GRIK4: variants seen among roughly 807,000 people sequenced by gnomAD.
GRIK4 encodes the protein glutamate receptor ionotropic, kainate 4.
In GRIK4, 40 loss-of-function variants were observed where a neutral mutation model predicts 104.9. That is an observed-to-expected ratio of 0.38 (90% CI 0.30 to 0.50). GRIK4 has a LOEUF of 0.50. Ranked by LOEUF, GRIK4 falls within the 20% of genes least tolerant of loss-of-function variation. GRIK4 has a pLI of 0.93. For missense variants in GRIK4, 1,047 were observed against 1,308.1 expected (o/e 0.80, Z 3.08); for synonymous variants, 485 against 524.9 (o/e 0.92, Z 1.04).
intron 3 of GRIK4, among the ~76,000 whole-genome samples, chr11:120,683,234 A>G (rs34612914): frequency 0.32 from 49,031 of 151,766 alleles, 8,545 homozygotes; most frequent in East Asian, 0.41. Context: ...GTTGGCTTGG[A>G]GGGTAACAAT....
At chr11:120,702,704 GC>G (rs1950571985) in intron 3 of GRIK4, among the ~76,000 whole-genome samples, 1 of 152,132 alleles carries the variant, frequency 6.6e-6, no homozygotes, top group Middle Eastern at 3.2e-3. Context: ...CTCTTGAGAG[GC>G]CCAGGGAGAC....
chr11:120,612,230 CTA>C (rs1311127248), intron 1 of GRIK4, among the ~76,000 whole-genome samples: 1 of 152,162 alleles, frequency 6.6e-6, no homozygotes, highest in Non-Finnish European at 1.5e-5. Context: ...ATGGGTCCAT[CTA>C]TAGTAGACTT....
chr11:120,955,359 G>A (rs1048050778), intron 15 of GRIK4, among the ~76,000 whole-genome samples: 2 of 152,244 alleles, frequency 1.3e-5, no homozygotes, highest in Non-Finnish European at 2.9e-5. Flanking sequence ...AAGGAGAGGC[G>A]CGGATGGAAA....
intron 1 of GRIK4, among the ~76,000 whole-genome samples, chr11:120,644,240 A>T (rs1274231673): frequency 6.6e-6 from 1 of 152,214 alleles, no homozygotes; most frequent in East Asian, 1.9e-4. Flanking sequence ...TGTTGAATGA[A>T]TGAAAGAGCA....
chr11:120,556,260 C>T (rs1192373709), intron 1 of GRIK4, among the ~76,000 whole-genome samples: 1 of 152,018 alleles, frequency 6.6e-6, no homozygotes, highest in African/African-American at 2.4e-5. Flanking sequence ...TGTCTCATAC[C>T]CCATTTCCAG....
intron 13 of GRIK4, among the ~76,000 whole-genome samples, chr11:120,921,001 C>A (rs1265063008): frequency 6.6e-6 from 1 of 152,130 alleles, no homozygotes; most frequent in East Asian, 1.9e-4. Context: ...CACATTTGCG[C>A]CTTCTTCTTT....
chr11:120,689,944 G>A (rs1258521238), intron 3 of GRIK4, among the ~76,000 whole-genome samples: 1 of 152,204 alleles, frequency 6.6e-6, no homozygotes, highest in East Asian at 1.9e-4. Context: ...TTGATCGAAT[G>A]AGTAAATGAG....
intron 3 of GRIK4, among the ~76,000 whole-genome samples, chr11:120,699,421 A>G (rs1210073950): frequency 6.6e-6 from 1 of 152,108 alleles, no homozygotes; most frequent in Non-Finnish European, 1.5e-5. Flanking sequence ...CTACAAATAA[A>G]TATTTATTTC....
rs145921099 is a variant in GRIK4, at chr11:120,969,648, G to A, written c.2395+2325G>A. On this transcript the variant is annotated intron_variant, in intron 19 of 20. Transcript: ENST00000527524. The stretch of plus-strand genomic sequence containing the variant: ...TAAAGTTGGATGATTGTCAGCATAT[G>A]TTAATGTTGCTCTATGATAACAATG... 1.7e-3 allele frequency among the ~76,000 whole-genome samples: 263 copies of A among 152,318 alleles called. 8 individuals are homozygous for A. In the East Asian group the frequency reaches 0.044, roughly 25 times the overall value.
intron 3 of GRIK4, among the ~76,000 whole-genome samples, chr11:120,794,328 C>T (rs1484301997): frequency 1.3e-5 from 2 of 151,558 alleles, no homozygotes; most frequent in African/African-American, 4.9e-5. Context: ...GGCTGAGAGT[C>T]GGGTGATGGT....
chr11:120,564,703 G>T (rs918293258), intron 1 of GRIK4: 1 of 152,296 alleles, frequency 6.6e-6, no homozygotes. Flanking sequence ...GCACCCTAAA[G>T]GGCACGGCCG....
chr11:120,695,952 C>A (rs868119268), intron 3 of GRIK4, among the ~76,000 whole-genome samples: 1 of 152,118 alleles, frequency 6.6e-6, no homozygotes, highest in African/African-American at 2.4e-5. Context: ...AGGAGGAGGG[C>A]CCAGGCTCTC....
rs530657083 is a variant in GRIK4 at position 120,609,009 on chromosome 11, T to C, written c.-158-44676T>C. Among the ~76,000 whole-genome samples, 9 of 152,386 alleles carry C rather than the reference T, an allele frequency of 5.9e-5. No individual in the cohort carries two copies. The East Asian group carries it at 1.5e-3, about 26-fold the overall frequency. On this transcript the variant is annotated intron_variant, in intron 1 of 20. Coordinates refer to ENST00000527524, the MANE Select transcript of GRIK4 (RefSeq NM_014619.5). ...GATTGATTTTGTAGCCACCAGTGCC[T>C]GTAACAAATTCCAAGTGAAGTTTGG...
In GRIK4 at chr11:120,967,511, C is replaced by A. The variant is rs1003056553; in HGVS notation, c.2395+188C>A. 1.3e-5 allele frequency among the ~76,000 whole-genome samples: 2 copies of A among 152,132 alleles called. No individual in the cohort carries two copies. The highest frequency in any genetic ancestry group is 6.5e-5 in the Admixed American group (1 of 15,280). Reference sequence around the variant, plus strand: ...CAGGGTCTTGCGTATCGCAGGCACCCAGTGTCCACCCGGCTCCCAAGTCCT... The same window carrying A: ...CAGGGTCTTGCGTATCGCAGGCACCAAGTGTCCACCCGGCTCCCAAGTCCT... On this transcript the variant is annotated intron_variant, in intron 19 of 20. Transcript: ENST00000527524. The surrounding 1 kb of genome is among the most constrained non-coding windows in gnomAD (Gnocchi z 4.2).
chr11:120,909,825 C>T lies in GRIK4; in HGVS notation c.1476+4332C>T, dbSNP rs571562752. Among the ~76,000 whole-genome samples the T allele has an allele frequency of 1.2e-4, 18 of 152,268 alleles. No individual in the cohort carries two copies. In the South Asian group the frequency reaches 2.5e-3, roughly 21 times the overall value. On this transcript the variant is annotated intron_variant, in intron 13 of 20. Transcript: ENST00000527524. ...TTATCTCCAGTGGAAATTGTAGAGC[C>T]TCAGTCTTTTCACATTTGTTATCAC...
chr11:120,809,086 C>G (rs1306651113), intron 4 of GRIK4, among the ~76,000 whole-genome samples: 1 of 152,188 alleles, frequency 6.6e-6, no homozygotes, highest in Non-Finnish European at 1.5e-5. Flanking sequence ...TCACCCTCCC[C>G]TCCCTGAACT....
intron 4 of GRIK4, among the ~76,000 whole-genome samples, chr11:120,807,132 T>G (rs987972489): frequency 6.6e-6 from 1 of 152,152 alleles, no homozygotes; most frequent in Non-Finnish European, 1.5e-5. Context: ...ACCTATTAGG[T>G]CAGCTCCTGT....
chr11:120,541,528 C>G (rs755779021), intron 1 of GRIK4, among the ~76,000 whole-genome samples: 20 of 151,948 alleles, frequency 1.3e-4, no homozygotes, highest in Non-Finnish European at 2.2e-4. Flanking sequence ...GCGCCTTGCT[C>G]TGTCGTCCAG....
chr11:120,657,120 C>G (rs1949723243), intron 2 of GRIK4, among the ~76,000 whole-genome samples: 1 of 152,054 alleles, frequency 6.6e-6, no homozygotes, highest in Admixed American at 6.6e-5. Context: ...TCTCCTTGTT[C>G]CACTCAACAA....
Sources: gnomAD v4.1 joint callset for allele counts (sites outside exome capture counted in the v4.1 genomes callset) on GRCh38, gnomAD v4.1.1 for gene constraint, Gnocchi (gnomAD v3.1) non-coding constraint, MANE v1.5 for transcripts, NCBI Gene and HGNC (gene_info 2026-07-23, HGNC 2026-07-21) for gene names.